The following NAALADL2 variants were observed in gnomAD, a reference collection of about 807,000 sequenced individuals.
NAALADL2 encodes the protein N-acetylated alpha-linked acidic dipeptidase like 2, also known as inactive N-acetylated-alpha-linked acidic dipeptidase-like protein 2.
A neutral mutation model predicts 87.2 loss-of-function variants in NAALADL2; 76 were observed. That is an observed-to-expected ratio of 0.87 (90% CI 0.72 to 1.05). The LOEUF (loss-of-function observed/expected upper bound fraction) is 1.05, where lower values mean the gene tolerates loss of function less well. Ranked by LOEUF, NAALADL2 falls within the 50% of genes least tolerant of loss-of-function variation. NAALADL2 has a pLI of 0.00. For synonymous variants in NAALADL2, 354 were observed against 331.0 expected, an observed-to-expected ratio of 1.07 and a Z score of -0.75; for missense variants, 1,089 against 945.8, an observed-to-expected ratio of 1.15 and a Z score of -1.99.
intron 10 of NAALADL2, 52 bp from the exon 11 acceptor site, chr3:175,627,239 A>G (rs552268534): frequency 1.4e-6 from 2 of 1,427,972 alleles, no homozygotes; most frequent in East Asian, 2.5e-5. Flanking sequence ...TAAACACTTG[A>G]AAAACAAAAT....
chr3:175,476,690 G>T (rs545139154), intron 9 of NAALADL2, among the ~76,000 whole-genome samples: 1 of 152,170 alleles, frequency 6.6e-6, no homozygotes, highest in Non-Finnish European at 1.5e-5. Context: ...GTGTGAGGGC[G>T]ACTAAAATGC....
At chr3:174,623,117 T>A (rs566927438) in intron 2 of NAALADL2, among the ~76,000 whole-genome samples, 1 of 152,310 alleles carries the variant, frequency 6.6e-6, no homozygotes, top group African/African-American at 2.4e-5. Context: ...CATGGTGTTA[T>A]TCAAACACAA....
At chr3:175,317,268 A>C (rs1164489305) in intron 4 of NAALADL2, among the ~76,000 whole-genome samples, 1 of 152,114 alleles carries the variant, frequency 6.6e-6, no homozygotes, top group Non-Finnish European at 1.5e-5. Flanking sequence ...AACATTGAAC[A>C]GTCAAATAGT....
intron 4 of NAALADL2, among the ~76,000 whole-genome samples, chr3:175,295,032 C>T (rs764669974): frequency 6.6e-6 from 1 of 152,140 alleles, no homozygotes; most frequent in Non-Finnish European, 1.5e-5. Context: ...CTAAAATAAC[C>T]TTTCTCATAG....
At chr3:175,412,930 T>TTATTATTATTATTATTATTA (rs1560510690) in intron 5 of NAALADL2, among the ~76,000 whole-genome samples, 1 of 18,688 alleles carries the variant, frequency 5.4e-5, no homozygotes, top group African/African-American at 1.9e-4. Flanking sequence ...TATTATTATT[T>TTATTATTATTATTATTATTA]TTGAGACGGA....
chr3:175,365,095 C>T (rs1765414007), intron 5 of NAALADL2, among the ~76,000 whole-genome samples: 2 of 146,806 alleles, frequency 1.4e-5, no homozygotes, highest in Non-Finnish European at 3.0e-5. Context: ...TTATTCTATG[C>T]CAATTGGGTG....
chr3:175,219,084 T>A (rs1742963480), intron 2 of NAALADL2, among the ~76,000 whole-genome samples: 1 of 152,114 alleles, frequency 6.6e-6, no homozygotes, highest in Non-Finnish European at 1.5e-5. Flanking sequence ...TTGTGAGTAA[T>A]GTTATATATT....
At chr3:174,634,288 G>C (rs996541372) in intron 2 of NAALADL2, among the ~76,000 whole-genome samples, 3 of 152,010 alleles carry the variant, frequency 2.0e-5, no homozygotes, top group African/African-American at 4.8e-5. Context: ...CTACTTGAAG[G>C]CTATATATTA....
intron 5 of NAALADL2, among the ~76,000 whole-genome samples, chr3:175,372,159 G>T (rs1285443054): frequency 6.6e-6 from 1 of 152,166 alleles, no homozygotes; most frequent in Non-Finnish European, 1.5e-5. Flanking sequence ...TTGCCCTGCA[G>T]ACTTTACTGA....
chr3:175,276,425 T>C (rs1753606140), intron 4 of NAALADL2, among the ~76,000 whole-genome samples: 1 of 151,134 alleles, frequency 6.6e-6, no homozygotes, highest in Admixed American at 6.6e-5. Context: ...TGCCTCAGCC[T>C]CCCAAGTAGC....
At chr3:174,992,560 A>G (rs2108722272) in intron 1 of NAALADL2, among the ~76,000 whole-genome samples, 1 of 152,226 alleles carries the variant, frequency 6.6e-6, no homozygotes, top group African/African-American at 2.4e-5. Context: ...AATAGAATTT[A>G]TTTCAGAGAC....
chr3:175,777,607 G>A (rs1276030645), intron 13 of NAALADL2, among the ~76,000 whole-genome samples: 1 of 152,082 alleles, frequency 6.6e-6, no homozygotes, highest in African/African-American at 2.4e-5. Context: ...GAAGAGATAA[G>A]TATCTGTCAG....
chr3:175,054,187 G>A (rs940133898), intron 1 of NAALADL2, among the ~76,000 whole-genome samples: 6 of 152,166 alleles, frequency 3.9e-5, no homozygotes, highest in African/African-American at 1.4e-4. Flanking sequence ...TGAAGTATAG[G>A]GCATCTGGAA....
At chr3:174,703,580 T>G (rs1729772392) in intron 2 of NAALADL2, among the ~76,000 whole-genome samples, 1 of 152,094 alleles carries the variant, frequency 6.6e-6, no homozygotes, top group African/African-American at 2.4e-5. Context: ...GACTTATTAG[T>G]GAAGTATATA....
intron 11 of NAALADL2, among the ~76,000 whole-genome samples, chr3:175,677,340 CA>C (rs1286502197): frequency 1.1e-4 from 17 of 151,362 alleles, no homozygotes; most frequent in African/African-American, 3.2e-4. Context: ...TCCAGCCTGG[CA>C]ACAGAGTGAG....
chr3:175,441,645 T>C (rs1052129531), intron 5 of NAALADL2, among the ~76,000 whole-genome samples: 3 of 148,158 alleles, frequency 2.0e-5, no homozygotes, highest in African/African-American at 2.5e-5. Flanking sequence ...CTGTACAACA[T>C]TGAGTGAGTA....
chr3:175,004,559 G>C (rs974374166), intron 1 of NAALADL2, among the ~76,000 whole-genome samples: 2 of 151,750 alleles, frequency 1.3e-5, no homozygotes, highest in South Asian at 2.1e-4. Context: ...GGTATTAATG[G>C]TATGTCATAT....
At chr3:175,727,845 T>C (rs768740844) in intron 11 of NAALADL2, among the ~76,000 whole-genome samples, 4 of 152,134 alleles carry the variant, frequency 2.6e-5, no homozygotes, top group Non-Finnish European at 4.4e-5. Flanking sequence ...AAGTCATCCA[T>C]TGGCAAGAAG....
intron 9 of NAALADL2, among the ~76,000 whole-genome samples, chr3:175,491,178 AAAATAGTATTTTATTGTCCTATAAATAT>A: frequency 2.4e-5 from 1 of 42,276 alleles, no homozygotes; most frequent in Admixed American, 3.2e-4. Context: ...ATTGTCCTAT[AAAATAGTATTTTATTGTCCTATAAATAT>A]AATAAAATAA....
Sources: allele counts gnomAD v4.1 joint callset (sites outside exome capture counted in the v4.1 genomes callset), GRCh38; gene constraint gnomAD v4.1.1; transcripts MANE v1.5; gene names NCBI Gene and HGNC (gene_info 2026-07-23, HGNC 2026-07-21).